SLC14A2: variants seen among roughly 807,000 people sequenced by gnomAD.
SLC14A2 encodes the protein urea transporter 2.
Under a neutral mutation model 104.6 loss-of-function variants are expected in SLC14A2, and 91 were observed. The ratio of observed to expected loss-of-function variants is 0.87; its 90% confidence interval spans 0.73 to 1.04. The LOEUF (loss-of-function observed/expected upper bound fraction) is 1.04. Ranked by LOEUF, SLC14A2 falls within the 50% of genes least tolerant of loss-of-function variation. The probability of loss-of-function intolerance (pLI) is 0.00; values close to 1 mark genes in which losing one functional copy is unlikely to be tolerated. For synonymous variants in SLC14A2, 476 were observed against 466.4 expected, an observed-to-expected ratio of 1.02 and a Z score of -0.27; for missense variants, 1,189 against 1,156.0, an observed-to-expected ratio of 1.03 and a Z score of -0.41.
At chr18:45,340,264 T>A (rs563386265) in intron 1 of SLC14A2, among the ~76,000 whole-genome samples, 1 of 152,360 alleles carries the variant, frequency 6.6e-6, no homozygotes, top group African/African-American at 2.4e-5. Flanking sequence ...CCATTTTGCT[T>A]ATGCAACCTT....
At chr18:45,315,765 C>T (rs1009674806) in intron 1 of SLC14A2, among the ~76,000 whole-genome samples, 1 of 152,152 alleles carries the variant, frequency 6.6e-6, no homozygotes. Context: ...TAGTAGTTCT[C>T]TCCTTCAAGG....
chr18:45,219,494 A>G (rs1340537894), intron 1 of SLC14A2, among the ~76,000 whole-genome samples: 1 of 149,546 alleles, frequency 6.7e-6, no homozygotes, highest in Non-Finnish European at 1.5e-5. Flanking sequence ...GAATCTAGAG[A>G]GTAAGAGGAG....
intron 1 of SLC14A2, among the ~76,000 whole-genome samples, chr18:45,267,020 C>A (rs894498329): frequency 6.6e-6 from 1 of 152,134 alleles, no homozygotes; most frequent in African/African-American, 2.4e-5. Flanking sequence ...AATGTGGAAG[C>A]TTTTATGGGC....
chr18:45,439,246 T>C (rs2086644974), intron 1 of SLC14A2, among the ~76,000 whole-genome samples: 1 of 152,124 alleles, frequency 6.6e-6, no homozygotes, highest in Non-Finnish European at 1.5e-5. Flanking sequence ...ACCACTGTAC[T>C]CCAGCCTGGG....
intron 2 of SLC14A2, among the ~76,000 whole-genome samples, chr18:45,543,846 G>T (rs2043927008): frequency 1.3e-5 from 2 of 152,206 alleles, no homozygotes; most frequent in Admixed American, 6.5e-5. Context: ...GTGGCTCATT[G>T]TGCCTAAACT....
intron 10 of SLC14A2, among the ~76,000 whole-genome samples, chr18:45,656,920 T>C (rs1286343601): frequency 6.6e-6 from 1 of 152,206 alleles, no homozygotes; most frequent in East Asian, 1.9e-4. Context: ...CAGTGACTCA[T>C]ACCCCCACCT....
At chr18:45,281,638 G>A (rs2084763552) in intron 1 of SLC14A2, among the ~76,000 whole-genome samples, 2 of 152,150 alleles carry the variant, frequency 1.3e-5, no homozygotes, top group African/African-American at 4.8e-5. Context: ...GCTGGGGGGT[G>A]CAATTTAGAA....
intron 1 of SLC14A2, among the ~76,000 whole-genome samples, chr18:45,478,166 G>C (rs1224831995): frequency 6.6e-6 from 1 of 152,226 alleles, no homozygotes; most frequent in African/African-American, 2.4e-5. Context: ...CATGGGAAAA[G>C]AATAGTATCT....
chr18:45,440,218 G>GTTT (rs5824588), intron 1 of SLC14A2, among the ~76,000 whole-genome samples: 253 of 148,622 alleles, frequency 1.7e-3, no homozygotes, highest in Admixed American at 2.0e-3. Context: ...CATTTTTCAA[G>GTTT]TTTTTTTTTT....
intron 1 of SLC14A2, among the ~76,000 whole-genome samples, chr18:45,457,811 A>T (rs1222475494): frequency 1.3e-5 from 2 of 152,100 alleles, no homozygotes; most frequent in Non-Finnish European, 2.9e-5. Flanking sequence ...TCACTACCTA[A>T]TTGTGCGTCT....
chr18:45,356,832 G>A (rs1399114761), intron 1 of SLC14A2, among the ~76,000 whole-genome samples: 2 of 152,184 alleles, frequency 1.3e-5, no homozygotes, highest in African/African-American at 4.8e-5. Context: ...TGATCAACCA[G>A]CCAGGTTTGG....
At chr18:45,173,239 A>G in the SLC14A2 span, among the ~76,000 whole-genome samples, 123 of 152,260 alleles carry the variant, frequency 8.1e-4, no homozygotes, top group Admixed American at 1.2e-3. Flanking sequence ...CATCTCTAAG[A>G]TTCTGTGATC....
At chr18:45,580,420 T>C (rs1228855596) in intron 2 of SLC14A2, among the ~76,000 whole-genome samples, 3 of 152,286 alleles carry the variant, frequency 2.0e-5, no homozygotes, top group South Asian at 2.1e-4. Context: ...AGGACAGTCC[T>C]GAGGAGCACT....
At chr18:45,312,546 G>A (rs1258540415) in intron 1 of SLC14A2, among the ~76,000 whole-genome samples, 1 of 152,134 alleles carries the variant, frequency 6.6e-6, no homozygotes, top group Non-Finnish European at 1.5e-5. Flanking sequence ...GAAGTGTGGG[G>A]TAATGAAGCA....
At chr18:45,493,080 T>A (rs993409378) in intron 2 of SLC14A2, 2 of 152,280 alleles carry the variant, frequency 1.3e-5, no homozygotes, top group Non-Finnish European at 2.9e-5. Context: ...AACACCCAGA[T>A]TTTAACTTTC....
intron 1 of SLC14A2, among the ~76,000 whole-genome samples, chr18:45,413,604 G>A (rs1568189367): frequency 6.6e-6 from 1 of 152,122 alleles, no homozygotes; most frequent in African/African-American, 2.4e-5. Flanking sequence ...TAAGGTCATG[G>A]CAACATTGTA....
intron 1 of SLC14A2, among the ~76,000 whole-genome samples, chr18:45,338,353 A>C (rs558370291): frequency 6.6e-6 from 1 of 152,096 alleles, no homozygotes; most frequent in East Asian, 1.9e-4. Context: ...GGCGCTTGCC[A>C]CCACACCTGG....
Position 45,556,226 on chromosome 18 carries a change from T to C in SLC14A2, c.-34-68405T>C, listed in dbSNP as rs147625825. On this transcript the variant is annotated intron_variant, in intron 2 of 20. Coordinates refer to the SLC14A2 transcript ENST00000586448. ...GTTACTGAATCACCTCCTAGTACCA[T>C]CACCTTGAAAGTTGGGATTTCAACA... Among the ~76,000 whole-genome samples, 284 of 152,300 alleles carry C rather than the reference T, an allele frequency of 1.9e-3. 1 individual carries two copies. Among genetic ancestry groups the C allele is most frequent in the African/African-American group, 5.9e-3 (244 of 41,568 alleles).
At chr18:45,440,596 C>G (rs1428640350) in intron 1 of SLC14A2, 1 of 152,188 alleles carries the variant, frequency 6.6e-6, no homozygotes, top group Non-Finnish European at 1.5e-5. Flanking sequence ...AAAGTGTGTT[C>G]CTGACTTAGT....
Sources: allele counts gnomAD v4.1 joint callset (sites outside exome capture counted in the v4.1 genomes callset), GRCh38; gene constraint gnomAD v4.1.1; transcripts MANE v1.5; gene names NCBI Gene and HGNC (gene_info 2026-07-23, HGNC 2026-07-21).